Variants in FAM135A observed in about 807,000 individuals in gnomAD.
FAM135A encodes protein FAM135A.
In FAM135A, 79 loss-of-function variants were observed where a neutral mutation model predicts 146.8. That is an observed-to-expected ratio of 0.54 (90% CI 0.45 to 0.65). The LOEUF (loss-of-function observed/expected upper bound fraction) is 0.65. FAM135A is among the 30% of genes least tolerant of loss of function. FAM135A has a pLI of 0.00. For missense variants in FAM135A, 1,623 were observed against 1,758.2 expected, an observed-to-expected ratio of 0.92 and a Z score of 1.38; for synonymous variants, 562 against 603.6, an observed-to-expected ratio of 0.93 and a Z score of 1.01.
intron 17 of FAM135A, 87 bp from the exon 18 acceptor site, chr6:70,533,670 C>T: frequency 1.3e-6 from 1 of 787,334 alleles, no homozygotes. Flanking sequence ...ACTTTCAGTA[C>T]CTAAATTAAA....
chr6:70,414,126 C>T (rs1159479798), intron 1 of FAM135A: 6 of 819,512 alleles, frequency 7.3e-6, no homozygotes, highest in African/African-American at 5.6e-5. Flanking sequence ...CGGGTGGTCC[C>T]TCCTTGGGAA....
chr6:70,442,666 T>C (rs2127961745), intron 4 of FAM135A, among the ~76,000 whole-genome samples: 1 of 152,240 alleles, frequency 6.6e-6, no homozygotes, highest in Non-Finnish European at 1.5e-5. Context: ...TTTAAAAGTA[T>C]ATCTTAGAGG....
chr6:70,481,156 AT>A, intron 9 of FAM135A, 129 bp downstream of exon 9: 3 of 841,480 alleles, frequency 3.6e-6, no homozygotes, highest in Non-Finnish European at 5.0e-6. Flanking sequence ...CTAATTAAAT[AT>A]GATCTTAAAA....
chr6:70,460,012 A>T (rs533881685), intron 5 of FAM135A, among the ~76,000 whole-genome samples: 1 of 152,338 alleles, frequency 6.6e-6, no homozygotes, highest in Non-Finnish European at 1.5e-5. Flanking sequence ...GCCTGGGGAC[A>T]GTGTGAGACT....
At chr6:70,467,144 C>G (rs560090621) in intron 5 of FAM135A, among the ~76,000 whole-genome samples, 3 of 152,126 alleles carry the variant, frequency 2.0e-5, no homozygotes, top group African/African-American at 7.2e-5. Flanking sequence ...ATCTAAAAGT[C>G]TTTTCATTCT....
intron 16 of FAM135A, 23 bp from the exon 17 acceptor site, chr6:70,533,137 A>G (rs1312516977): frequency 6.3e-7 from 1 of 1,579,190 alleles, no homozygotes; most frequent in Non-Finnish European, 8.7e-7. Context: ...CTCATCCTTT[A>G]AACATCATTT....
chr6:70,519,304 C>T (rs1561958031), intron 12 of FAM135A, among the ~76,000 whole-genome samples: 1 of 152,186 alleles, frequency 6.6e-6, no homozygotes, highest in African/African-American at 2.4e-5. Context: ...AGAGTTGCTT[C>T]TTATGGATGA....
At chr6:70,548,697 T>C (rs530383462) in intron 20 of FAM135A, among the ~76,000 whole-genome samples, 13 of 151,520 alleles carry the variant, frequency 8.6e-5, no homozygotes, top group African/African-American at 2.7e-4. Context: ...CTTACAAATA[T>C]AGAAATCTTT....
intron 12 of FAM135A, among the ~76,000 whole-genome samples, chr6:70,505,299 A>G (rs373353361): frequency 6.6e-6 from 1 of 152,174 alleles, no homozygotes; most frequent in Non-Finnish European, 1.5e-5. Context: ...AGTTTTGCCA[A>G]TCATCTTACT....
intron 4 of FAM135A, among the ~76,000 whole-genome samples, chr6:70,437,455 T>C (rs1040464038): frequency 6.6e-6 from 1 of 152,124 alleles, no homozygotes; most frequent in Non-Finnish European, 1.5e-5. Flanking sequence ...TGTTCAGTTT[T>C]AAAAGATTTT....
chr6:70,433,518 T>A (rs75901501), intron 4 of FAM135A, among the ~76,000 whole-genome samples: 1 of 151,952 alleles, frequency 6.6e-6, no homozygotes. Context: ...TTTTTTTTTT[T>A]AAGTAACTTA....
At chr6:70,492,650 C>A (rs1208310179) in intron 11 of FAM135A, among the ~76,000 whole-genome samples, 5 of 138,754 alleles carry the variant, frequency 3.6e-5, no homozygotes, top group Admixed American at 7.0e-5. Context: ...TAAAACAACA[C>A]CCTTGTAAAA....
chr6:70,505,843 G>T (rs1297503678), intron 12 of FAM135A, among the ~76,000 whole-genome samples: 1 of 151,762 alleles, frequency 6.6e-6, no homozygotes, highest in South Asian at 2.1e-4. Context: ...TTGCTATATT[G>T]TAGTAAACAG....
Position 70,475,455 on chromosome 6 carries a change from G to T in FAM135A, c.203G>T (p.Cys68Phe). The T allele has an allele frequency of 1.2e-6, 2 of 1,604,358 alleles. No homozygotes were observed. Among genetic ancestry groups the T allele is most frequent in the Non-Finnish European group, 1.7e-6 (2 of 1,176,134 alleles). ...FPASVHDSLICSKTFQILYKN... is the reference protein window; with the variant it reads ...FPASVHDSLIFSKTFQILYKN... The stretch of plus-strand genomic sequence containing the variant: ...GCCTCAGTTCATGATTCTCTAATTT[G>T]CAGTAAAACATTTCAAATTTTGTAC... Residue 68 changes from cysteine to phenylalanine, a missense_variant, in exon 6 of 22, where the codon TGC becomes TTC. This residue lies in a region of FAM135A where 171 missense variants were observed against 164.9 expected (regional missense o/e 1.04). Transcript: ENST00000418814.
At chr6:70,424,482 G>A (rs977176744) in intron 2 of FAM135A, among the ~76,000 whole-genome samples, 1 of 152,144 alleles carries the variant, frequency 6.6e-6, no homozygotes, top group Non-Finnish European at 1.5e-5. Flanking sequence ...TCATTTTAAT[G>A]AAGCACATCC....
At chr6:70,556,687 A>T in intron 20 of FAM135A, 63 bp from the exon 21 acceptor site, 1 of 1,096,318 alleles carries the variant, frequency 9.1e-7, no homozygotes, top group Non-Finnish European at 1.3e-6. Flanking sequence ...TTAATATGAT[A>T]CTAATAACTT....
Position 70,477,247 on chromosome 6 carries a change from A to C in FAM135A, c.457A>C (p.Asn153His), listed in dbSNP as rs1414736607. Residue 153 changes from asparagine to histidine, a missense_variant, in exon 8 of 22, where the codon AAT becomes CAT. Physicochemically the swap from Asn to His is moderately conservative, Grantham distance 68. Coordinates refer to ENST00000418814, the MANE Select transcript of FAM135A (RefSeq NM_001162529.3). ...CCATAGAGGCCTTCATCATCATGTTAATGTTATGTTTGATTACTTCCACCT... is the reference window on the plus strand; with the variant it reads ...CCATAGAGGCCTTCATCATCATGTTCATGTTATGTTTGATTACTTCCACCT... ...SPHRGLHHHV[N>H]VMFDYFHLSV... 3 of 1,613,592 alleles carry C rather than the reference A, an allele frequency of 1.9e-6. No homozygotes were observed. The highest frequency in any genetic ancestry group is 8.5e-7 in the Non-Finnish European group (1 of 1,179,736).
At chr6:70,442,268 A>G (rs1351268551) in intron 4 of FAM135A, among the ~76,000 whole-genome samples, 1 of 139,322 alleles carries the variant, frequency 7.2e-6, no homozygotes, top group Admixed American at 7.5e-5. Context: ...GCCGAGATAT[A>G]TCCCGTGAGG....
intron 20 of FAM135A, among the ~76,000 whole-genome samples, chr6:70,546,068 G>A (rs1333531657): frequency 2.6e-5 from 4 of 151,864 alleles, no homozygotes; most frequent in African/African-American, 9.7e-5. Flanking sequence ...TTTCGGGGGG[G>A]CATATCTAGT....
Sources: gnomAD v4.1 joint callset for allele counts (sites outside exome capture counted in the v4.1 genomes callset) on GRCh38, gnomAD v4.1.1 for gene constraint, gnomAD v4.1.1 regional missense constraint, MANE v1.5 for transcripts, NCBI Gene and HGNC (gene_info 2026-07-23, HGNC 2026-07-21) for gene names.